SVEP1: variants seen among roughly 807,000 people sequenced by gnomAD.
The protein encoded by SVEP1 is sushi, von Willebrand factor type A, EGF and pentraxin domain containing 1.
Under a neutral mutation model 367.3 loss-of-function variants are expected in SVEP1, and 164 were observed. The observed-to-expected ratio is 0.45, with a 90% CI of 0.39 to 0.51. SVEP1 has a LOEUF of 0.51. Among genes scored for constraint, SVEP1 ranks in the 20% least tolerant of loss-of-function variants. The pLI is 0.00. For missense variants in SVEP1, 4,117 were observed against 4,425.3 expected (o/e 0.93, Z 1.98); for synonymous variants, 1,666 against 1,611.6 (o/e 1.03, Z -0.81).
chr9:110,422,499 G>A (rs1828174324), intron 36 of SVEP1, among the ~76,000 whole-genome samples: 1 of 31,232 alleles, frequency 3.2e-5, no homozygotes, highest in Non-Finnish European at 6.0e-5. Context: ...TGGAGAAACA[G>A]GAACACTTTT....
chr9:110,564,898 G>A (rs1309296545), intron 1 of SVEP1, among the ~76,000 whole-genome samples: 1 of 151,680 alleles, frequency 6.6e-6, no homozygotes, highest in African/African-American at 2.4e-5. Context: ...TGAATAAAAT[G>A]TAGTCTCTGG....
chr9:110,499,305 T>A, intron 6 of SVEP1, 67 bp from the exon 7 acceptor site: 1 of 1,439,928 alleles, frequency 6.9e-7, no homozygotes, highest in South Asian at 1.3e-5. Flanking sequence ...TGGATTCTTT[T>A]TACTCAAGAA....
intron 25 of SVEP1, among the ~76,000 whole-genome samples, chr9:110,446,309 C>G (rs1306934466): frequency 6.6e-6 from 1 of 152,172 alleles, no homozygotes; most frequent in Non-Finnish European, 1.5e-5. Flanking sequence ...AACTGAAATG[C>G]TACTAAAGCC....
rs891477803 is a variant in SVEP1, at chr9:110,368,202, G to A, written c.10695-1642C>T. 6.6e-5 allele frequency among the ~76,000 whole-genome samples: 10 copies of A among 152,342 alleles called. No homozygotes were observed. The East Asian group carries it at 1.9e-3, about 29-fold the overall frequency. ...TGACATGGGAGGTGGAGAGGTACAC[G>A]TGGCTTTCAAGTCCCCAGTCTGGTC... On this transcript the variant is annotated intron_variant, in intron 47 of 47. Transcript: ENST00000374469.
At chr9:110,510,307 C>T (rs1248651488) in intron 5 of SVEP1, among the ~76,000 whole-genome samples, 2 of 152,232 alleles carry the variant, frequency 1.3e-5, no homozygotes, top group Non-Finnish European at 2.9e-5. Flanking sequence ...CTGATCCTCC[C>T]ACTCCTCTTC....
chr9:110,571,648 T>G (rs1331978734), intron 1 of SVEP1, among the ~76,000 whole-genome samples: 5 of 152,228 alleles, frequency 3.3e-5, no homozygotes, highest in Non-Finnish European at 7.3e-5. Flanking sequence ...TCAGATTTTC[T>G]ATTAGATCCA....
chr9:110,571,789 T>C (rs1830566353), intron 1 of SVEP1, among the ~76,000 whole-genome samples: 1 of 152,156 alleles, frequency 6.6e-6, no homozygotes, highest in Non-Finnish European at 1.5e-5. Context: ...AGTATGAAAT[T>C]CCAAGTGCCA....
intron 1 of SVEP1, among the ~76,000 whole-genome samples, chr9:110,553,714 T>C (rs1830319734): frequency 6.6e-6 from 1 of 152,156 alleles, no homozygotes; most frequent in African/African-American, 2.4e-5. Context: ...TGAAGGCAGG[T>C]ATTTTTGTGT....
rs1240631145 is a variant in SVEP1, at chr9:110,432,575, T to C, written c.5120A>G (p.Tyr1707Cys). 2.5e-6 allele frequency: 4 copies of C among 1,613,884 alleles called. No individual in the cohort carries two copies. The South Asian group carries it at 3.3e-5, about 13-fold the overall frequency. The change falls in exon 31 of 48, where the codon TAT becomes TGT. Residue 1707 changes from tyrosine to cysteine, a missense_variant. This residue lies in a region of SVEP1 where 2,174 missense variants were observed against 2,494.3 expected (regional missense o/e 0.87). Transcript: ENST00000374469. ...ENGFHSADDF[Y>C]AGSTVTYQCN... Reference sequence around the variant, plus strand: ...CTGGTAGGTTACTGTGCTGCCAGCATAGAAGTCATCGGCTGAATGGAAGCC... The same window carrying C: ...CTGGTAGGTTACTGTGCTGCCAGCACAGAAGTCATCGGCTGAATGGAAGCC...
chr9:110,531,646 G>T (rs746551042), intron 3 of SVEP1, among the ~76,000 whole-genome samples: 2 of 152,112 alleles, frequency 1.3e-5, no homozygotes, highest in African/African-American at 4.8e-5. Context: ...AAATTACCCA[G>T]TCTCAGGTAT....
intron 5 of SVEP1, among the ~76,000 whole-genome samples, chr9:110,507,257 C>T (rs1050100154): frequency 4.6e-5 from 7 of 152,072 alleles, no homozygotes; most frequent in African/African-American, 1.2e-4. Context: ...GTTGAGACTC[C>T]GGGTGGGATA....
Position 110,483,617 on chromosome 9 carries a change from G to C in SVEP1, c.2007C>G (p.Ser669Arg), listed in dbSNP as rs762023328. Residue 669 changes from serine to arginine, a missense_variant, in exon 10 of 48, where the codon AGC (serine) becomes AGG (arginine). Around this residue, in one of 4 missense-constraint regions of SVEP1, gnomAD observed 2,174 missense variants for 2,494.3 expected, o/e 0.87. Coordinates refer to ENST00000374469, the MANE Select transcript of SVEP1 (RefSeq NM_153366.4). ...TGTCTGAGAACTGAGGCTCATCCCA[G>C]CTTGCGGCATGTACCTTCTCCGAGA... is the stretch of plus-strand genomic sequence containing the variant. ...VQVSEKVHAASWDEPQFSDNS... is the reference protein window; with the variant it reads ...VQVSEKVHAARWDEPQFSDNS... 1.2e-6 allele frequency: 2 copies of C among 1,612,778 alleles called. No individual in the cohort carries two copies. Among genetic ancestry groups the C allele is most frequent in the Non-Finnish European group, 8.5e-7 (1 of 1,179,326 alleles).
intron 2 of SVEP1, among the ~76,000 whole-genome samples, chr9:110,548,852 G>T (rs546397106): frequency 1.2e-4 from 18 of 152,254 alleles, no homozygotes; most frequent in African/African-American, 4.3e-4. Context: ...TTTATGCATG[G>T]TGGCTCATGT....
At chr9:110,378,030 T>G (rs1827377576) in intron 44 of SVEP1, among the ~76,000 whole-genome samples, 1 of 152,238 alleles carries the variant, frequency 6.6e-6, no homozygotes, top group African/African-American at 2.4e-5. Flanking sequence ...TCCATGTTGT[T>G]GTAAATGGCA....
chr9:110,443,027 A>G (rs923620205), intron 27 of SVEP1: 1 of 152,248 alleles, frequency 6.6e-6, no homozygotes, highest in Non-Finnish European at 1.5e-5. Context: ...ATGTATCCAG[A>G]TAGAACAAGC....
At chr9:110,578,601 T>G (rs1389003129) in intron 1 of SVEP1, among the ~76,000 whole-genome samples, 2 of 152,212 alleles carry the variant, frequency 1.3e-5, no homozygotes, top group Non-Finnish European at 2.9e-5. Context: ...GAATCTTACA[T>G]TGAAAGCATA....
intron 5 of SVEP1, among the ~76,000 whole-genome samples, chr9:110,509,746 G>A (rs958591306): frequency 2.0e-5 from 3 of 152,140 alleles, no homozygotes; most frequent in African/African-American, 4.8e-5. Flanking sequence ...GTACATCAAC[G>A]TATACATTTA....
intron 1 of SVEP1, among the ~76,000 whole-genome samples, chr9:110,556,740 C>T (rs139552995): frequency 2.0e-5 from 3 of 152,092 alleles, no homozygotes; most frequent in Non-Finnish European, 4.4e-5. Context: ...CCACCCAGCT[C>T]AGCCTCCCAA....
At chr9:110,562,245 A>C (rs1830441363) in intron 1 of SVEP1, among the ~76,000 whole-genome samples, 1 of 152,132 alleles carries the variant, frequency 6.6e-6, no homozygotes, top group Admixed American at 6.6e-5. Flanking sequence ...AAACAAAAAA[A>C]AAGTCATCAG....
Sources: gnomAD v4.1 joint callset for allele counts (sites outside exome capture counted in the v4.1 genomes callset) on GRCh38, gnomAD v4.1.1 for gene constraint, gnomAD v4.1.1 regional missense constraint, MANE v1.5 for transcripts, NCBI Gene and HGNC (gene_info 2026-07-23, HGNC 2026-07-21) for gene names.